Variants in DIAPH2 observed in about 807,000 individuals in gnomAD.
DIAPH2 encodes protein diaphanous homolog 2.
DIAPH2 carries 35 observed loss-of-function variants against 92.7 expected under a neutral mutation model. The observed-to-expected ratio is 0.38, with a 90% confidence interval of 0.29 to 0.50. The LOEUF is 0.50. Among genes scored for constraint, DIAPH2 ranks in the 20% least tolerant of loss-of-function variants. The probability of loss-of-function intolerance (pLI) is 0.94; values close to 1 mark genes in which losing one functional copy is unlikely to be tolerated. For missense variants in DIAPH2, 701 were observed against 819.5 expected (o/e 0.86, Z 1.77); for synonymous variants, 301 against 280.4 (o/e 1.07, Z -0.73).
intron 5 of DIAPH2, among the ~76,000 whole-genome samples, chrX:96,910,535 G>T (rs779330912): frequency 9.0e-6 from 1 of 111,266 alleles, no homozygotes; most frequent in East Asian, 2.8e-4. Context: ...AGACTGGAAT[G>T]GAATGGTTTA....
chrX:97,367,239 C>T (rs941156710), intron 24 of DIAPH2, among the ~76,000 whole-genome samples: 1 of 111,407 alleles, frequency 9.0e-6, no homozygotes, highest in East Asian at 2.8e-4. Flanking sequence ...AGATCATTAG[C>T]ACAATAAGGA....
At position 97,529,565 on chromosome X, in the gene DIAPH2, T is replaced by A. The variant is rs147659187; in HGVS notation, c.3242-69688T>A. ...TTTACAGATAAGGGGACGGTACAGA[T>A]AAGTAGATAAGGAATTATAATGAAT... On this transcript the variant is annotated intron_variant, in intron 26 of 26. Coordinates refer to ENST00000324765, the MANE Select transcript of DIAPH2 (RefSeq NM_006729.5). 2.4e-3 allele frequency among the ~76,000 whole-genome samples: 268 copies of A among 111,865 alleles called. 1 individual carries two copies. Among genetic ancestry groups the A allele is most frequent in the African/African-American group, 8.1e-3 (251 of 30,823 alleles).
chrX:97,568,429 A>T (rs1232793044), intron 26 of DIAPH2, among the ~76,000 whole-genome samples: 1 of 111,239 alleles, frequency 9.0e-6, no homozygotes, highest in African/African-American at 3.3e-5. Flanking sequence ...AGAAGCATCA[A>T]GGGGTGGTTG....
At chrX:97,291,543 T>C (rs948856705) in intron 23 of DIAPH2, among the ~76,000 whole-genome samples, 16 of 110,647 alleles carry the variant, frequency 1.4e-4, no homozygotes, top group African/African-American at 5.2e-4. Flanking sequence ...TAAACACTTT[T>C]TTTTTTTTGA....
intron 16 of DIAPH2, among the ~76,000 whole-genome samples, chrX:96,959,333 G>C (rs189223251): frequency 2.8e-4 from 31 of 111,583 alleles, no homozygotes; most frequent in African/African-American, 8.8e-4. Context: ...TAAGATGCCA[G>C]TAAGATACCT....
chrX:97,501,557 T>C (rs763620052), intron 26 of DIAPH2, among the ~76,000 whole-genome samples: 1 of 111,700 alleles, frequency 9.0e-6, no homozygotes, highest in East Asian at 2.8e-4. Context: ...TGGCCTTTTG[T>C]TTTTTTCTTA....
chrX:97,300,937 AAAAAAAAAAAAAAAAAAAAAAAAAAAAAG>A (rs1423077908), intron 23 of DIAPH2, among the ~76,000 whole-genome samples: 9 of 34,269 alleles, frequency 2.6e-4, no homozygotes, highest in Non-Finnish European at 4.4e-4. Flanking sequence ...GTCTTAAAAA[AAAAAAAAAAAAAAAAAAAAAAAAAAAAAG>A]AAGAAGAAGA....
At chrX:97,122,248 G>C (rs762530658) in intron 21 of DIAPH2, among the ~76,000 whole-genome samples, 2 of 111,473 alleles carry the variant, frequency 1.8e-5, no homozygotes, top group South Asian at 7.5e-4. Flanking sequence ...GTAACTGTAG[G>C]CCTATCAATA....
chrX:96,933,409 A>C (rs772475650), intron 10 of DIAPH2, among the ~76,000 whole-genome samples: 1 of 106,632 alleles, frequency 9.4e-6, no homozygotes, highest in Non-Finnish European at 1.9e-5. Context: ...AGCTCGCTGC[A>C]GCCTCAATCT....
intron 25 of DIAPH2, among the ~76,000 whole-genome samples, chrX:97,393,351 A>G (rs1179178198): frequency 1.8e-5 from 2 of 112,107 alleles, no homozygotes; most frequent in Admixed American, 1.9e-4. Flanking sequence ...TTACCAGTAG[A>G]TAATTATATA....
At chrX:97,291,593 C>T (rs181140469) in intron 23 of DIAPH2, among the ~76,000 whole-genome samples, 3 of 106,794 alleles carry the variant, frequency 2.8e-5, no homozygotes, top group African/African-American at 6.8e-5. Context: ...AGTGCAGTGG[C>T]GCGTTCTGGG....
At chrX:97,560,525 T>C (rs910309458) in intron 26 of DIAPH2, among the ~76,000 whole-genome samples, 1 of 111,515 alleles carries the variant, frequency 9.0e-6, no homozygotes, top group Admixed American at 9.5e-5. Context: ...GGAGTTTCAC[T>C]CTTGTCACCC....
At chrX:97,104,542 A>T (rs1445809572) in intron 20 of DIAPH2, among the ~76,000 whole-genome samples, 1 of 109,645 alleles carries the variant, frequency 9.1e-6, no homozygotes, top group African/African-American at 3.3e-5. Flanking sequence ...TGCCCGGCTA[A>T]TTTTTTTAAA....
intron 26 of DIAPH2, among the ~76,000 whole-genome samples, chrX:97,441,124 G>A (rs1055580244): frequency 2.7e-5 from 3 of 111,859 alleles, no homozygotes; most frequent in Non-Finnish European, 5.6e-5. Context: ...ATAAGAAAGG[G>A]GTAGAAGTAG....
At chrX:96,793,280 C>T (rs1407855142) in intron 4 of DIAPH2, among the ~76,000 whole-genome samples, 1 of 112,263 alleles carries the variant, frequency 8.9e-6, no homozygotes, top group Admixed American at 9.4e-5. Context: ...CCTGCCTCAG[C>T]CTCCTGAGTA....
rs12837487 is a variant in DIAPH2, at chrX:97,404,011, G to A, written c.3145+19967G>A. On this transcript the variant is annotated intron_variant, in intron 25 of 26. Transcript: ENST00000324765. ...TGGGATTACAGGCATGCACCACCAC[G>A]CCTAGCTAATTTTGTATTTTTAGTA... 3.7e-3 allele frequency among the ~76,000 whole-genome samples: 403 copies of A among 109,852 alleles called. 3 individuals are homozygous for A. Among genetic ancestry groups the A allele is most frequent in the Non-Finnish European group, 5.9e-3 (312 of 52,699 alleles).
At chrX:97,367,957 C>T (rs913810425) in intron 24 of DIAPH2, among the ~76,000 whole-genome samples, 1 of 111,739 alleles carries the variant, frequency 8.9e-6, no homozygotes, top group African/African-American at 3.2e-5. Flanking sequence ...CCGAGTGCCT[C>T]GCTTCGGCCT....
At chrX:97,241,412 C>T (rs2068092415) in intron 22 of DIAPH2, among the ~76,000 whole-genome samples, 1 of 110,919 alleles carries the variant, frequency 9.0e-6, no homozygotes, top group East Asian at 2.9e-4. Context: ...ATTCTCCTGC[C>T]TCAGCCTCCC....
At chrX:96,916,068 G>A (rs1369624658) in intron 7 of DIAPH2, among the ~76,000 whole-genome samples, 21 of 111,415 alleles carry the variant, frequency 1.9e-4, no homozygotes, top group Admixed American at 1.8e-3. Context: ...ATTTAACCAC[G>A]AATTCCAGAC....
Sources: allele counts gnomAD v4.1 joint callset (sites outside exome capture counted in the v4.1 genomes callset), GRCh38; gene constraint gnomAD v4.1.1; transcripts MANE v1.5; gene names NCBI Gene and HGNC (gene_info 2026-07-23, HGNC 2026-07-21).